The following FGGY variants were observed in gnomAD, a reference collection of about 807,000 sequenced individuals.
The protein encoded by FGGY is FGGY carbohydrate kinase domain containing.
FGGY carries 72 observed loss-of-function variants against 71.3 expected under a neutral mutation model. The ratio of observed to expected loss-of-function variants is 1.01; its 90% CI spans 0.84 to 1.23. The LOEUF is 1.23. Ranked by LOEUF, FGGY falls within the 50% of genes most tolerant of loss-of-function variation. FGGY has a pLI of 0.00. For synonymous variants in FGGY, 251 were observed against 250.3 expected (o/e 1.00, Z -0.02); for missense variants, 668 against 682.3 (o/e 0.98, Z 0.23).
At chr1:59,440,930 C>G (rs183025787) in intron 5 of FGGY, among the ~76,000 whole-genome samples, 134 of 151,970 alleles carry the variant, frequency 8.8e-4, no homozygotes, top group Non-Finnish European at 1.9e-4. Flanking sequence ...AGAGAACGGA[C>G]AAACAAGGGA....
intron 11 of FGGY, chr1:59,641,377 C>T (rs1452325727): frequency 6.4e-7 from 1 of 1,564,724 alleles, no homozygotes; most frequent in Non-Finnish European, 8.7e-7. Context: ...CATTGTTAAA[C>T]ATTTACCCAT....
At chr1:59,435,976 CTG>C (rs1222961403) in intron 5 of FGGY, among the ~76,000 whole-genome samples, 2 of 152,184 alleles carry the variant, frequency 1.3e-5, no homozygotes, top group Non-Finnish European at 2.9e-5. Flanking sequence ...GTCAGAGAGA[CTG>C]TGGCTGGCCT....
intron 5 of FGGY, among the ~76,000 whole-genome samples, chr1:59,436,552 G>A (rs1006048349): frequency 6.6e-6 from 1 of 152,106 alleles, no homozygotes; most frequent in East Asian, 1.9e-4. Flanking sequence ...TTACATAAAC[G>A]TTTGTCAAGG....
intron 6 of FGGY, among the ~76,000 whole-genome samples, chr1:59,469,182 GC>G (rs2092809772): frequency 6.6e-6 from 1 of 152,214 alleles, no homozygotes; most frequent in South Asian, 2.1e-4. Context: ...GAGCCCACAG[GC>G]CTGAGTACAG....
At chr1:59,338,399 G>A (rs1305278145) in intron 2 of FGGY, among the ~76,000 whole-genome samples, 1 of 152,056 alleles carries the variant, frequency 6.6e-6, no homozygotes, top group Non-Finnish European at 1.5e-5. Flanking sequence ...ACAAGTTTGT[G>A]TAGCATTGGT....
At chr1:59,488,191 T>A (rs2153579688) in intron 6 of FGGY, among the ~76,000 whole-genome samples, 1 of 152,284 alleles carries the variant, frequency 6.6e-6, no homozygotes, top group Admixed American at 6.5e-5. Flanking sequence ...TTAAGCCTTC[T>A]ATTAAGGTTG....
At chr1:59,557,384 C>T (rs2095707310) in intron 8 of FGGY, among the ~76,000 whole-genome samples, 1 of 152,104 alleles carries the variant, frequency 6.6e-6, no homozygotes, top group Non-Finnish European at 1.5e-5. Flanking sequence ...TCCAGGTTGC[C>T]TCTTTCTAGA....
intron 8 of FGGY, among the ~76,000 whole-genome samples, chr1:59,561,542 C>A (rs994216471): frequency 7.2e-5 from 11 of 152,024 alleles, no homozygotes; most frequent in Middle Eastern, 3.2e-3. Flanking sequence ...ATCTCTGAAC[C>A]CAGGCAGTAG....
chr1:59,597,123 T>C (rs1001124873), intron 8 of FGGY, among the ~76,000 whole-genome samples: 4 of 152,196 alleles, frequency 2.6e-5, no homozygotes, highest in African/African-American at 9.7e-5. Context: ...TGGCCAGAAA[T>C]GGAGAAAGTG....
intron 5 of FGGY, among the ~76,000 whole-genome samples, chr1:59,442,094 G>A (rs1291799220): frequency 1.3e-5 from 2 of 152,140 alleles, no homozygotes; most frequent in South Asian, 2.1e-4. Flanking sequence ...CATGCAGAGG[G>A]TATGTTTCTA....
In FGGY at chr1:59,507,081, G is replaced by A. The variant is rs554284749; in HGVS notation, c.671-5230G>A. On this transcript the variant is annotated intron_variant, in intron 6 of 15. Transcript: ENST00000303721. ...GGTCCCCAACCAGAATAGGTTCAGA[G>A]AGACTTTTGCTCAGCCACATGGTTG... 1.3e-4 allele frequency among the ~76,000 whole-genome samples: 20 copies of A among 152,322 alleles called. No homozygotes were observed. The South Asian group carries it at 2.1e-3, about 16-fold the overall frequency.
intron 8 of FGGY, among the ~76,000 whole-genome samples, chr1:59,554,736 A>C (rs1272464722): frequency 1.3e-5 from 2 of 152,190 alleles, no homozygotes; most frequent in Admixed American, 6.5e-5. Context: ...TTCTCCATGA[A>C]TTAGTGAAAA....
At chr1:59,447,671 G>A (rs1289225850) in intron 5 of FGGY, among the ~76,000 whole-genome samples, 9 of 152,144 alleles carry the variant, frequency 5.9e-5, no homozygotes, top group Admixed American at 3.3e-4. Flanking sequence ...AGATCAGATG[G>A]TTTTATAAGG....
chr1:59,672,113 A>G (rs1191317933), intron 13 of FGGY, among the ~76,000 whole-genome samples: 5 of 152,194 alleles, frequency 3.3e-5, no homozygotes, highest in Non-Finnish European at 7.3e-5. Flanking sequence ...TATCATTCCT[A>G]GGATTCTTCA....
intron 14 of FGGY, among the ~76,000 whole-genome samples, chr1:59,678,816 G>A (rs997533495): frequency 3.3e-5 from 5 of 152,188 alleles, no homozygotes; most frequent in African/African-American, 1.2e-4. Flanking sequence ...AGTAAAAGGA[G>A]ACAGTGACAA....
chr1:59,334,976 A>G (rs1292960447), intron 2 of FGGY, among the ~76,000 whole-genome samples: 1 of 152,148 alleles, frequency 6.6e-6, no homozygotes, highest in Admixed American at 6.5e-5. Context: ...CACTATTAAC[A>G]ATTTGTTGCA....
At chr1:59,732,730 C>T (rs1035437220) in intron 14 of FGGY, among the ~76,000 whole-genome samples, 2 of 152,248 alleles carry the variant, frequency 1.3e-5, no homozygotes, top group East Asian at 1.9e-4. Context: ...TTTATGCAGA[C>T]CACTGTCGCC....
intron 1 of FGGY, among the ~76,000 whole-genome samples, chr1:59,298,308 A>T (rs1179972613): frequency 2.0e-5 from 3 of 151,920 alleles, no homozygotes; most frequent in Non-Finnish European, 4.4e-5. Context: ...GGAGGCCCAG[A>T]GCACTGTTAT....
intron 7 of FGGY, among the ~76,000 whole-genome samples, chr1:59,525,436 G>A (rs1039160517): frequency 2.0e-5 from 3 of 152,178 alleles, no homozygotes; most frequent in African/African-American, 7.2e-5. Flanking sequence ...TCCCATGACA[G>A]TACTTCATGC....
Sources: allele counts gnomAD v4.1 joint callset (sites outside exome capture counted in the v4.1 genomes callset), GRCh38; gene constraint gnomAD v4.1.1; transcripts MANE v1.5; gene names NCBI Gene and HGNC (gene_info 2026-07-23, HGNC 2026-07-21).